CABLES1: variants seen among roughly 807,000 people sequenced by gnomAD.
CABLES1 encodes the protein CDK5 and ABL1 enzyme substrate 1.
Under a neutral mutation model 57.8 loss-of-function variants are expected in CABLES1, and 36 were observed. That is an observed-to-expected ratio of 0.62 (90% confidence interval 0.48 to 0.82). The LOEUF (loss-of-function observed/expected upper bound fraction) is 0.82. Ranked by LOEUF, CABLES1 falls within the 40% of genes least tolerant of loss-of-function variation. The probability of loss-of-function intolerance (pLI) is 0.00; values close to 1 mark genes in which losing one functional copy is unlikely to be tolerated. For missense variants in CABLES1, 767 were observed against 836.6 expected (o/e 0.92, Z 1.03); for synonymous variants, 374 against 363.0 (o/e 1.03, Z -0.35).
intron 4 of CABLES1, among the ~76,000 whole-genome samples, chr18:23,225,727 T>C (rs1311234153): frequency 1.2e-4 from 18 of 152,272 alleles, no homozygotes; most frequent in Admixed American, 1.2e-3. Flanking sequence ...TTCTGCCTTT[T>C]ATCCACATTA....
intron 1 of CABLES1, among the ~76,000 whole-genome samples, chr18:23,185,449 G>A (rs929204971): frequency 6.6e-6 from 1 of 152,182 alleles, no homozygotes; most frequent in African/African-American, 2.4e-5. Flanking sequence ...GGCAAGCCTG[G>A]TTCAGCTGTG....
intron 1 of CABLES1, among the ~76,000 whole-genome samples, chr18:23,186,421 T>TTC (rs1472814447): frequency 6.6e-6 from 1 of 150,748 alleles, no homozygotes; most frequent in Non-Finnish European, 1.5e-5. Context: ...TTCTTTTCTC[T>TTC]TCTTTTTTTT....
rs189357493 is a variant in CABLES1 at position 23,225,445 on chromosome 18, T to C, written c.1089-9163T>C. 2.6e-5 allele frequency among the ~76,000 whole-genome samples: 4 copies of C among 152,238 alleles called. No individual in the cohort carries two copies. The East Asian group carries it at 7.7e-4, about 29-fold the overall frequency. On this transcript the variant is annotated intron_variant, in intron 4 of 9. Coordinates refer to ENST00000256925, the MANE Select transcript of CABLES1 (RefSeq NM_001100619.3). ...ATTTCCTTCCAGTCTTTTTTTTTTT[T>C]CTTAATGCATACACTTTATGGAACG... is the stretch of plus-strand genomic sequence containing the variant.
rs776368980 is a variant in CABLES1 at position 23,254,910 on chromosome 18, G to A, written c.1761+974G>A. Among the ~76,000 whole-genome samples, 4 of 152,222 alleles carry A rather than the reference G, an allele frequency of 2.6e-5. No homozygotes were observed. In the South Asian group the frequency reaches 8.3e-4, roughly 32 times the overall value. ...ACATTCAGCCCATAACAAGGGGCAT[G>A]CCATGCTGTGGGGGCTGTGTATGGA... On this transcript the variant is annotated intron_variant, in intron 9 of 9. Transcript: ENST00000256925.
intron 1 of CABLES1, among the ~76,000 whole-genome samples, chr18:23,161,661 A>T (rs1219907877): frequency 6.6e-6 from 1 of 151,004 alleles, no homozygotes; most frequent in East Asian, 1.9e-4. Context: ...CCGTAATCCC[A>T]GCACTTTGGG....
intron 3 of CABLES1, among the ~76,000 whole-genome samples, chr18:23,199,802 G>A (rs1259066324): frequency 6.6e-6 from 1 of 152,208 alleles, no homozygotes; most frequent in Non-Finnish European, 1.5e-5. Flanking sequence ...TAATGACACT[G>A]AATAGCACAC....
Position 23,227,998 on chromosome 18 carries a change from G to A in CABLES1, c.1089-6610G>A, listed in dbSNP as rs541556234. On this transcript the variant is annotated intron_variant, in intron 4 of 9. Transcript: ENST00000256925. ...GCACCATTAGAGAAAGGATGGTGGA[G>A]AGAAGTCAGGACCACTCCATTTTGG... 2.3e-4 allele frequency among the ~76,000 whole-genome samples: 35 copies of A among 152,342 alleles called. 1 individual carries two copies. The highest frequency in any genetic ancestry group is 6.5e-4 in the Admixed American group (10 of 15,300).
intron 1 of CABLES1, among the ~76,000 whole-genome samples, chr18:23,152,188 C>T (rs2046935144): frequency 6.6e-6 from 1 of 151,906 alleles, no homozygotes; most frequent in Non-Finnish European, 1.5e-5. Flanking sequence ...TGCCTGAGCC[C>T]AGGAGTCCAG....
At chr18:23,166,068 T>C (rs78871368) in intron 1 of CABLES1, among the ~76,000 whole-genome samples, 3 of 152,350 alleles carry the variant, frequency 2.0e-5, no homozygotes, top group East Asian at 3.9e-4. Context: ...AGTCATCTTA[T>C]TAATCTTTTA....
At chr18:23,176,010 T>C (rs2047120826) in intron 1 of CABLES1, among the ~76,000 whole-genome samples, 1 of 152,208 alleles carries the variant, frequency 6.6e-6, no homozygotes, top group South Asian at 2.1e-4. Context: ...GTAATAAAGA[T>C]ACCAAATGTT....
At chr18:23,219,757 C>T (rs1282043146) in intron 4 of CABLES1, among the ~76,000 whole-genome samples, 1 of 152,216 alleles carries the variant, frequency 6.6e-6, no homozygotes, top group Non-Finnish European at 1.5e-5. Context: ...AGGTTGTTCT[C>T]ATTCTTGTCA....
rs752113235 is a variant in CABLES1 at position 23,136,421 on chromosome 18, C to G, written c.659C>G (p.Pro220Arg). ...EDDAFISVQV[P>R]AAAFLGSGTP... is the part of the protein sequence containing the mutation. Reference sequence around the variant, plus strand: ...GATGCCTTTATCAGCGTGCAGGTGCCGGCGGCCGCCTTTTTGGGCTCCGGG... The same window carrying G: ...GATGCCTTTATCAGCGTGCAGGTGCGGGCGGCCGCCTTTTTGGGCTCCGGG... The change falls in exon 1 of 10, where the codon CCG becomes CGG. Residue 220 changes from proline (P) to arginine (R), a missense_variant. Pro to Arg is a moderately radical substitution (Grantham distance 103). Around this residue, in one of 4 missense-constraint regions of CABLES1, gnomAD observed 529 missense variants for 622.8 expected, o/e 0.85. Coordinates refer to ENST00000256925, the MANE Select transcript of CABLES1 (RefSeq NM_001100619.3). 6 of 1,600,420 alleles carry G rather than the reference C, an allele frequency of 3.7e-6. No homozygotes were observed. Among genetic ancestry groups the G allele is most frequent in the Non-Finnish European group, 5.1e-6 (6 of 1,174,982 alleles).
intron 4 of CABLES1, among the ~76,000 whole-genome samples, chr18:23,220,842 A>G (rs1352906572): frequency 4.6e-5 from 7 of 152,204 alleles, no homozygotes; most frequent in Admixed American, 4.6e-4. Context: ...TAAGTGAAAA[A>G]TAATCTGTGT....
chr18:23,173,877 C>T (rs149681899), intron 1 of CABLES1, among the ~76,000 whole-genome samples: 1,609 of 152,238 alleles, frequency 0.011, 15 homozygotes, highest in Middle Eastern at 0.031. Context: ...GTGGGAGGAT[C>T]GCCTGAACCC....
intron 1 of CABLES1, among the ~76,000 whole-genome samples, chr18:23,166,823 A>G (rs892117997): frequency 1.3e-5 from 2 of 152,198 alleles, no homozygotes; most frequent in Non-Finnish European, 2.9e-5. Flanking sequence ...CCCATTCAGC[A>G]GGTGGCCATG....
chr18:23,214,960 G>A (rs1248004039), intron 4 of CABLES1, among the ~76,000 whole-genome samples: 2 of 152,144 alleles, frequency 1.3e-5, no homozygotes, highest in African/African-American at 4.8e-5. Flanking sequence ...CTAGACTTAC[G>A]GCCTATTCGA....
At chr18:23,155,911 T>C in intron 1 of CABLES1, 1 of 1,614,134 alleles carries the variant, frequency 6.2e-7, no homozygotes, top group Non-Finnish European at 8.5e-7. Flanking sequence ...GAATGCTTTC[T>C]AAGAGGGGCT....
chr18:23,163,270 T>C (rs2047017429), intron 1 of CABLES1, among the ~76,000 whole-genome samples: 1 of 151,754 alleles, frequency 6.6e-6, no homozygotes, highest in South Asian at 2.1e-4. Flanking sequence ...CACGTGGAGA[T>C]TTAAGGAAGG....
At chr18:23,235,870 G>T in intron 5 of CABLES1, 25 bp from the exon 6 acceptor site, 1 of 1,611,292 alleles carries the variant, frequency 6.2e-7, no homozygotes, top group Non-Finnish European at 8.5e-7. Flanking sequence ...ATAATCACTG[G>T]CCTGTTTTTG....
Sources: allele counts gnomAD v4.1 joint callset (sites outside exome capture counted in the v4.1 genomes callset), GRCh38; gene constraint gnomAD v4.1.1; regional missense constraint gnomAD v4.1.1; transcripts MANE v1.5; gene names NCBI Gene and HGNC (gene_info 2026-07-23, HGNC 2026-07-21).